RGPD3: variants seen among roughly 807,000 people sequenced by gnomAD.
RGPD3 encodes RANBP2 like and GRIP domain containing 3, also known as ranBP2-like and GRIP domain-containing protein 3.
In RGPD3, 62 loss-of-function variants were observed where a neutral mutation model predicts 154.5. That is an observed-to-expected ratio of 0.40 (90% CI 0.33 to 0.50). RGPD3 has a LOEUF of 0.50. Among genes scored for constraint, RGPD3 ranks in the 20% least tolerant of loss-of-function variants. RGPD3 has a pLI of 0.59. For synonymous variants in RGPD3, 308 were observed against 607.0 expected, an observed-to-expected ratio of 0.51 and a Z score of 7.24; for missense variants, 919 against 1,716.8, an observed-to-expected ratio of 0.54 and a Z score of 8.21.
At chr2:106,465,736 T>TC (rs1227181758) in intron 1 of RGPD3, among the ~76,000 whole-genome samples, 3 of 152,108 alleles carry the variant, frequency 2.0e-5, no homozygotes, top group Non-Finnish European at 4.4e-5. Context: ...GAATTTTTTT[T>TC]TTTTAAGCAA....
rs778406541 is a variant in RGPD3 at position 106,438,345 on chromosome 2, GGGCCGAGT to G, written c.1276+615_1276+622del. Among the ~76,000 whole-genome samples the G allele has an allele frequency of 4.0e-3, 599 of 151,498 alleles. 2 individuals carry two copies. The highest frequency in any genetic ancestry group is 7.5e-3 in the Non-Finnish European group (511 of 67,788). ...ACCAATTAAAAAAAAAAAATTATCT[GGGCCGAGT>G]GGCATGTGCCTATGGTACCAGCTAC... On this transcript the variant is annotated intron_variant, in intron 9 of 22. Coordinates refer to ENST00000409886, the MANE Select transcript of RGPD3 (RefSeq NM_001144013.2).
chr2:106,461,578 G>A (rs1161020367), intron 1 of RGPD3, among the ~76,000 whole-genome samples: 1 of 151,076 alleles, frequency 6.6e-6, no homozygotes, highest in Admixed American at 6.6e-5. Context: ...TTTGGACCAC[G>A]GGTGACGCAG....
At chr2:106,409,496 C>T (rs2104441253) in intron 22 of RGPD3, among the ~76,000 whole-genome samples, 1 of 152,166 alleles carries the variant, frequency 6.6e-6, no homozygotes, top group East Asian at 1.9e-4. Context: ...TCTTTTAGTA[C>T]ATGAGACAGT....
In RGPD3 at chr2:106,412,321, T is replaced by TTTTTG. The variant is rs1676699603; in HGVS notation, c.5266+762_5266+763insCAAAA. 1.2e-4 allele frequency among the ~76,000 whole-genome samples: 12 copies of TTTTTG among 100,026 alleles called. No individual in the cohort carries two copies. The South Asian group carries it at 3.6e-3, about 30-fold the overall frequency. 65.6% of individuals were successfully genotyped at this position (100,026 alleles called of 152,430 possible). ...TTTTTTTTTTTTTTTTTTTTTTTTT[T>TTTTTG]TTTTTTTTTTGAGATGGAGTCTCGC... On this transcript the variant is annotated intron_variant, in intron 22 of 22. Transcript: ENST00000409886.
Position 106,421,886 on chromosome 2 carries a change from A to G in RGPD3, c.4924+1157T>C, listed in dbSNP as rs528796437. Among the ~76,000 whole-genome samples, 11 of 151,658 alleles carry G rather than the reference A, an allele frequency of 7.3e-5. No homozygotes were observed. The South Asian group carries it at 2.3e-3, about 32-fold the overall frequency. On this transcript the variant is annotated intron_variant, in intron 20 of 22. Transcript: ENST00000409886. Reference sequence around the variant, plus strand: ...ACAAATCAGCATCCCACTACATTTTAAAAAACAAACCAACAAGGGTGTCAT... The same window carrying G: ...ACAAATCAGCATCCCACTACATTTTGAAAAACAAACCAACAAGGGTGTCAT...
At chr2:106,464,172 C>T (rs1158437846) in intron 1 of RGPD3, among the ~76,000 whole-genome samples, 4 of 151,778 alleles carry the variant, frequency 2.6e-5, no homozygotes, top group African/African-American at 7.3e-5. Context: ...GGTGAAACCC[C>T]GTCTCTACTA....
At chr2:106,459,378 T>G in intron 1 of RGPD3, 46 bp from the exon 2 acceptor site, 1 of 1,312,856 alleles carries the variant, frequency 7.6e-7, no homozygotes, top group Non-Finnish European at 1.0e-6. Context: ...AGAAATATTT[T>G]CCAACATTTT....
chr2:106,446,881 A>AAAAACAAT (rs1677955717), intron 7 of RGPD3, among the ~76,000 whole-genome samples: 1 of 150,216 alleles, frequency 6.7e-6, no homozygotes, highest in Non-Finnish European at 1.5e-5. Flanking sequence ...ACTTGGTCTC[A>AAAAACAAT]AAAAAAATAA....
intron 9 of RGPD3, among the ~76,000 whole-genome samples, chr2:106,438,092 T>A (rs1677626956): frequency 6.6e-6 from 1 of 151,850 alleles, no homozygotes; most frequent in South Asian, 2.1e-4. Context: ...CACCCCCGGA[T>A]AATTTTTGTA....
At chr2:106,441,122 A>G (rs1005586854) in intron 8 of RGPD3, among the ~76,000 whole-genome samples, 171 bp downstream of exon 8, 2 of 151,810 alleles carry the variant, frequency 1.3e-5, no homozygotes, top group African/African-American at 4.8e-5. Context: ...TTTTTTAAAG[A>G]ATGTGCTATT....
intron 1 of RGPD3, among the ~76,000 whole-genome samples, chr2:106,462,033 A>G (rs571626510): frequency 0.013 from 1,988 of 151,870 alleles, 36 homozygotes; most frequent in African/African-American, 0.039. Context: ...ACAGGCGCAC[A>G]CCACCATGCC....
chr2:106,426,733 AG>A (rs1677208803), intron 18 of RGPD3, among the ~76,000 whole-genome samples: 4 of 152,264 alleles, frequency 2.6e-5, no homozygotes, highest in African/African-American at 7.2e-5. Context: ...AACTACCAAT[AG>A]TCATTTGCTT....
rs368843922 is a variant in RGPD3 at position 106,468,400 on chromosome 2, C to G, written c.-112G>C. ...GCCACTGAGGCAGCGGCGTAGCCGG[C>G]GGAGGACCACTGTGACGAACTTGTG... On this transcript the variant is annotated 5_prime_UTR_variant, in exon 1 of 23. Coordinates refer to ENST00000409886, the MANE Select transcript of RGPD3 (RefSeq NM_001144013.2). The G allele has an allele frequency of 2.0e-6, 3 of 1,531,566 alleles. No individual in the cohort carries two copies. Among genetic ancestry groups the G allele is most frequent in the Non-Finnish European group, 2.6e-6 (3 of 1,136,856 alleles). The allele number at this position is 1,531,566 out of a possible 1,614,324, so 94.9% of individuals were successfully genotyped here.
At chr2:106,422,139 G>A (rs1477128261) in intron 20 of RGPD3, among the ~76,000 whole-genome samples, 1 of 151,860 alleles carries the variant, frequency 6.6e-6, no homozygotes, top group South Asian at 2.1e-4. Context: ...ATTTAAAAAG[G>A]CTAAAATTAA....
At chr2:106,420,301 AAAC>A (rs1393377822) in intron 20 of RGPD3, among the ~76,000 whole-genome samples, 1 of 150,262 alleles carries the variant, frequency 6.7e-6, no homozygotes, top group Non-Finnish European at 1.5e-5. Flanking sequence ...ATATGGCTGA[AAAC>A]AACCCATCCC....
intron 20 of RGPD3, among the ~76,000 whole-genome samples, chr2:106,418,576 A>AT (rs1287640158): frequency 5.9e-5 from 9 of 151,742 alleles, no homozygotes; most frequent in African/African-American, 1.9e-4. Flanking sequence ...GTAAAGTGTT[A>AT]TTTTTTCTGA....
chr2:106,468,525 G>A (rs1347645417), upstream of RGPD3: 64 of 803,634 alleles, frequency 8.0e-5, no homozygotes, highest in African/African-American at 1.1e-4. Context: ...TGTCTTGCCC[G>A]CCGGGCGCCG....
In RGPD3 at chr2:106,423,782, T is replaced by C; in HGVS notation, c.4185A>G (p.Ile1395Met). ...LQNYDNKHVRILMRRDQVLKL... is the reference protein window; with the variant it reads ...LQNYDNKHVRMLMRRDQVLKL... ...TTAATACTTGGTCCCTTCTCATCAGTATACGAACGTGCTTATTATCATAAT... is the reference window on the plus strand; with the variant it reads ...TTAATACTTGGTCCCTTCTCATCAGCATACGAACGTGCTTATTATCATAAT... The change falls in exon 20 of 23, where the codon ATA (isoleucine) becomes ATG (methionine). Residue 1395 changes from isoleucine to methionine, a missense_variant. Transcript: ENST00000409886. 5 of 1,612,006 alleles carry C rather than the reference T, an allele frequency of 3.1e-6. No homozygotes were observed. Among genetic ancestry groups the C allele is most frequent in the Non-Finnish European group, 4.2e-6 (5 of 1,179,870 alleles).
At chr2:106,421,700 T>C (rs1236365751) in intron 20 of RGPD3, among the ~76,000 whole-genome samples, 3 of 151,986 alleles carry the variant, frequency 2.0e-5, no homozygotes, top group Admixed American at 2.0e-4. Context: ...TTCTAAACCA[T>C]GCACAAAAGA....
Sources: gnomAD v4.1 joint callset for allele counts (sites outside exome capture counted in the v4.1 genomes callset) on GRCh38, gnomAD v4.1.1 for gene constraint, MANE v1.5 for transcripts, NCBI Gene and HGNC (gene_info 2026-07-23, HGNC 2026-07-21) for gene names.